GRM5: variants seen among roughly 807,000 people sequenced by gnomAD.
GRM5 encodes the protein glutamate metabotropic receptor 5.
A neutral mutation model predicts 83.1 loss-of-function variants in GRM5; 19 were observed. The observed-to-expected ratio is 0.23, with a 90% confidence interval of 0.16 to 0.34. The LOEUF (loss-of-function observed/expected upper bound fraction) is 0.34. GRM5 is among the 10% of genes least tolerant of loss of function. The pLI, the probability that GRM5 is intolerant of heterozygous loss-of-function variation, is 1.00. For missense variants in GRM5, 1,160 were observed against 1,588.3 expected (o/e 0.73, Z 4.58); for synonymous variants, 675 against 633.6 (o/e 1.07, Z -0.98).
At chr11:88,668,210 T>TTGCACACACACACACACACA (rs888565413) in intron 3 of GRM5, among the ~76,000 whole-genome samples, 43 of 49,260 alleles carry the variant, frequency 8.7e-4, no homozygotes, top group African/African-American at 1.8e-3. Flanking sequence ...CTGCAGAAAC[T>TTGCACACACACACACACACA]CGCACACACA....
intron 2 of GRM5, among the ~76,000 whole-genome samples, chr11:88,892,030 A>G (rs1248007384): frequency 6.6e-6 from 1 of 151,948 alleles, no homozygotes; most frequent in Non-Finnish European, 1.5e-5. Flanking sequence ...AGTAAGTTAT[A>G]CTCTTGTGAA....
intron 3 of GRM5, among the ~76,000 whole-genome samples, chr11:88,706,470 T>C (rs1334389495): frequency 6.6e-6 from 1 of 152,122 alleles, no homozygotes; most frequent in Non-Finnish European, 1.5e-5. Flanking sequence ...ATCTCTGTAT[T>C]ACTATCCTCC....
chr11:88,843,611 T>G (rs1292081513), intron 3 of GRM5, among the ~76,000 whole-genome samples: 1 of 152,134 alleles, frequency 6.6e-6, no homozygotes, highest in Non-Finnish European at 1.5e-5. Context: ...AATGGCTAAA[T>G]GCTCAAGTGA....
chr11:88,785,743 A>G (rs1489608503), intron 3 of GRM5, among the ~76,000 whole-genome samples: 2 of 152,058 alleles, frequency 1.3e-5, no homozygotes, highest in Non-Finnish European at 2.9e-5. Context: ...TTTATTGAAC[A>G]TTCTATAATT....
Position 88,540,903 on chromosome 11 carries a change from C to T in GRM5, c.2631-15499G>A, listed in dbSNP as rs370823536. Among the ~76,000 whole-genome samples the T allele has an allele frequency of 9.7e-4, 147 of 151,608 alleles. No individual in the cohort carries two copies. In the Middle Eastern group the frequency reaches 0.01, roughly 11 times the overall value. On this transcript the variant is annotated intron_variant, in intron 8 of 9. Coordinates refer to ENST00000305447, the MANE Select transcript of GRM5 (RefSeq NM_001143831.3). ...CTGGGATTACAGGTGCCCACCACCA[C>T]GCCTGGTTAATTTTTTTTTTGTATT...
At chr11:88,867,600 T>A (rs943981609) in intron 2 of GRM5, among the ~76,000 whole-genome samples, 1 of 151,692 alleles carries the variant, frequency 6.6e-6, no homozygotes, top group Non-Finnish European at 1.5e-5. Context: ...AATGTGACTG[T>A]GTTTGTATAC....
At chr11:88,826,104 C>T (rs755000717) in intron 3 of GRM5, among the ~76,000 whole-genome samples, 3 of 151,980 alleles carry the variant, frequency 2.0e-5, no homozygotes, top group East Asian at 3.9e-4. Context: ...TGAACAAATG[C>T]GGGAGGTCTT....
Position 88,889,089 on chromosome 11 carries a change from G to T in GRM5, c.662-38934C>A, listed in dbSNP as rs145760004. ...GGGAGCTGCCAGCTGATTGATCAAG[G>T]GCAGGGTTTACAAAATATCTTAAGC... On this transcript the variant is annotated intron_variant, in intron 2 of 9. Transcript: ENST00000305447. 6.4e-3 allele frequency among the ~76,000 whole-genome samples: 974 copies of T among 152,240 alleles called. 11 individuals carry two copies. Among genetic ancestry groups the T allele is most frequent in the African/African-American group, 0.022 (914 of 41,550 alleles).
At chr11:88,776,032 C>T (rs372854957) in intron 3 of GRM5, among the ~76,000 whole-genome samples, 2 of 152,104 alleles carry the variant, frequency 1.3e-5, no homozygotes, top group African/African-American at 2.4e-5. Flanking sequence ...CTAATATTGA[C>T]AGTGGGGTGT....
At chr11:88,860,404 C>G (rs909818090) in intron 2 of GRM5, among the ~76,000 whole-genome samples, 4 of 152,166 alleles carry the variant, frequency 2.6e-5, no homozygotes, top group African/African-American at 9.7e-5. Flanking sequence ...GGAGAAAACT[C>G]TATACGGAGC....
intron 4 of GRM5, among the ~76,000 whole-genome samples, chr11:88,652,941 A>T (rs1216103868): frequency 6.6e-6 from 1 of 152,082 alleles, no homozygotes; most frequent in Admixed American, 6.6e-5. Context: ...TTTTTGAATG[A>T]TACAAATAGA....
chr11:88,731,030 A>C (rs1271668163), intron 3 of GRM5, among the ~76,000 whole-genome samples: 1 of 152,092 alleles, frequency 6.6e-6, no homozygotes, highest in Non-Finnish European at 1.5e-5. Flanking sequence ...AAAAACATAA[A>C]TATTACCATT....
In GRM5 at chr11:88,989,887, T is replaced by C. The variant is rs568856946; in HGVS notation, c.661+57325A>G. Among the ~76,000 whole-genome samples, 4 of 151,936 alleles carry C rather than the reference T, an allele frequency of 2.6e-5. No individual in the cohort carries two copies. In the South Asian group the frequency reaches 8.3e-4, roughly 32 times the overall value. On this transcript the variant is annotated intron_variant, in intron 2 of 9. Coordinates refer to ENST00000305447, the MANE Select transcript of GRM5 (RefSeq NM_001143831.3). Reference sequence around the variant, plus strand: ...GTGCTTTGAGGGAAATTTATAGCACTAAATGCCCACAAGAGAAAGCAGGAA... The same window carrying C: ...GTGCTTTGAGGGAAATTTATAGCACCAAATGCCCACAAGAGAAAGCAGGAA...
chr11:88,622,585 G>A (rs2135258613), intron 4 of GRM5, among the ~76,000 whole-genome samples: 1 of 152,280 alleles, frequency 6.6e-6, no homozygotes, highest in Non-Finnish European at 1.5e-5. Context: ...GCTGCATGCT[G>A]GAGGGAGCTA....
At chr11:88,668,349 G>A (rs2135328177) in intron 3 of GRM5, among the ~76,000 whole-genome samples, 1 of 131,870 alleles carries the variant, frequency 7.6e-6, no homozygotes, top group Admixed American at 7.5e-5. Context: ...ACAGAGTCTG[G>A]CCCACCAACT....
At chr11:88,695,032 T>C (rs150669364) in intron 3 of GRM5, among the ~76,000 whole-genome samples, 2 of 152,172 alleles carry the variant, frequency 1.3e-5, no homozygotes, top group African/African-American at 4.8e-5. Flanking sequence ...TAATGACTGA[T>C]GCAAGAGAGA....
intron 3 of GRM5, among the ~76,000 whole-genome samples, chr11:88,691,348 G>C (rs1300876102): frequency 6.6e-6 from 1 of 152,036 alleles, no homozygotes; most frequent in Non-Finnish European, 1.5e-5. Context: ...GTATAAATGT[G>C]TCAAAATTTT....
intron 2 of GRM5, among the ~76,000 whole-genome samples, chr11:88,987,898 C>A (rs1939791112): frequency 1.3e-5 from 2 of 150,638 alleles, no homozygotes; most frequent in African/African-American, 2.5e-5. Flanking sequence ...GATAAAACCA[C>A]AAAGATGGGG....
At chr11:88,866,800 G>T (rs1376767236) in intron 2 of GRM5, among the ~76,000 whole-genome samples, 2 of 152,110 alleles carry the variant, frequency 1.3e-5, no homozygotes, top group African/African-American at 4.8e-5. Flanking sequence ...GTCCTGAATG[G>T]TATTGCCTAG....
Sources: gnomAD v4.1 joint callset for allele counts (sites outside exome capture counted in the v4.1 genomes callset) on GRCh38, gnomAD v4.1.1 for gene constraint, MANE v1.5 for transcripts, NCBI Gene and HGNC (gene_info 2026-07-23, HGNC 2026-07-21) for gene names.